The following MTHFD2L variants were observed in gnomAD, a reference collection of about 807,000 sequenced individuals.
MTHFD2L encodes bifunctional methylenetetrahydrofolate dehydrogenase/cyclohydrolase 2, mitochondrial.
A neutral mutation model predicts 34.9 loss-of-function variants in MTHFD2L; 29 were observed. The observed-to-expected ratio is 0.83, with a 90% confidence interval of 0.62 to 1.13. MTHFD2L has a LOEUF of 1.13. Ranked by LOEUF, MTHFD2L falls within the 50% of genes most tolerant of loss-of-function variation. The pLI is 0.00. For missense variants in MTHFD2L, 481 were observed against 446.5 expected, an observed-to-expected ratio of 1.08 and a Z score of -0.70; for synonymous variants, 167 against 155.7, an observed-to-expected ratio of 1.07 and a Z score of -0.54.
intron 1 of MTHFD2L, among the ~76,000 whole-genome samples, chr4:74,133,073 C>T (rs553072101): frequency 1.3e-5 from 2 of 152,090 alleles, no homozygotes; most frequent in South Asian, 2.1e-4. Flanking sequence ...TCTTGCAAGA[C>T]GGGTCTAGTA....
At chr4:74,184,951 C>A (rs980811352) in intron 3 of MTHFD2L, among the ~76,000 whole-genome samples, 1 of 151,578 alleles carries the variant, frequency 6.6e-6, no homozygotes, top group African/African-American at 2.4e-5. Flanking sequence ...AGATCGAGAC[C>A]GTCCTGGCTA....
chr4:74,242,919 A>G (rs972667163), intron 6 of MTHFD2L, among the ~76,000 whole-genome samples: 10 of 152,240 alleles, frequency 6.6e-5, no homozygotes, highest in African/African-American at 2.4e-4. Context: ...TTCTAACTAC[A>G]ATTCTATAAC....
intron 6 of MTHFD2L, among the ~76,000 whole-genome samples, chr4:74,276,222 TA>T (rs1160816481): frequency 2.0e-5 from 3 of 152,180 alleles, no homozygotes; most frequent in African/African-American, 7.2e-5. Flanking sequence ...TGATATTCAT[TA>T]AATGAGTTTT....
rs868751296 is a variant in MTHFD2L, at chr4:74,128,839, T to C, written c.-297+3322T>C. On this transcript the variant is annotated intron_variant, in intron 1 of 7. Transcript: ENST00000433372. ...AGGCAGCATGTACTTGGGTCTTGTT[T>C]CTTTATCCATTCAGCACCTCTATAA... Among the ~76,000 whole-genome samples, 35 of 152,178 alleles carry C rather than the reference T, an allele frequency of 2.3e-4. No individual in the cohort carries two copies. The South Asian group carries it at 2.9e-3, about 13-fold the overall frequency.
intron 5 of MTHFD2L, among the ~76,000 whole-genome samples, chr4:74,207,331 G>T (rs1735519755): frequency 6.6e-6 from 1 of 152,108 alleles, no homozygotes. Context: ...AAAGGTTCTG[G>T]CATCATTGGA....
At chr4:74,172,661 C>T (rs1578339917) in intron 1 of MTHFD2L, among the ~76,000 whole-genome samples, 1 of 152,178 alleles carries the variant, frequency 6.6e-6, no homozygotes, top group East Asian at 1.9e-4. Flanking sequence ...GGTTTTTCCC[C>T]TGCCCCCAGG....
chr4:74,220,366 A>G (rs1241655857), intron 5 of MTHFD2L, among the ~76,000 whole-genome samples: 1 of 152,014 alleles, frequency 6.6e-6, no homozygotes, highest in Non-Finnish European at 1.5e-5. Flanking sequence ...ACCAACTAAA[A>G]TAAAAAAGGC....
rs143099029 is a variant in MTHFD2L at position 74,268,092 on chromosome 4, G to A, written c.806-13333G>A. Reference sequence around the variant, plus strand: ...AAAGAAAAAGAACAGGAAATGTTCTGTGGTCACTGCCACTGACTCACTGGG... The same window carrying A: ...AAAGAAAAAGAACAGGAAATGTTCTATGGTCACTGCCACTGACTCACTGGG... On this transcript the variant is annotated intron_variant, in intron 6 of 7. Transcript: ENST00000325278. The A allele has an allele frequency of 4.9e-5, 48 of 984,988 alleles. No homozygotes were observed. The African/African-American group carries it at 7.5e-4, about 15-fold the overall frequency. 61.0% of individuals were successfully genotyped at this position (984,988 alleles called of 1,614,324 possible).
intron 6 of MTHFD2L, among the ~76,000 whole-genome samples, chr4:74,237,454 G>A (rs1317361526): frequency 6.6e-6 from 1 of 152,116 alleles, no homozygotes; most frequent in African/African-American, 2.4e-5. Flanking sequence ...TTCAACACCA[G>A]CCTGACCAAC....
chr4:74,148,381 TTATTTATTTATCTATCTATC>T (rs1723730222), intron 1 of MTHFD2L, among the ~76,000 whole-genome samples: 1 of 58,892 alleles, frequency 1.7e-5, no homozygotes, highest in African/African-American at 6.8e-5. Context: ...ATTTATTTAT[TTATTTATTTATCTATCTATC>T]TATTTAGACA....
At chr4:74,121,713 A>G (rs1018075685), upstream of MTHFD2L, among the ~76,000 whole-genome samples, 6 of 146,880 alleles carry the variant, frequency 4.1e-5, no homozygotes, top group Non-Finnish European at 7.5e-5. Context: ...ATTTAATTAT[A>G]TATATGGCGA....
chr4:74,265,274 C>T (rs1745147474), intron 6 of MTHFD2L, among the ~76,000 whole-genome samples: 1 of 152,156 alleles, frequency 6.6e-6, no homozygotes, highest in Non-Finnish European at 1.5e-5. Flanking sequence ...TGCCAGGGCT[C>T]TGCTCTAATG....
intron 6 of MTHFD2L, among the ~76,000 whole-genome samples, chr4:74,226,990 C>G (rs1463984218): frequency 6.6e-6 from 1 of 152,118 alleles, no homozygotes; most frequent in Non-Finnish European, 1.5e-5. Context: ...GAGTAGAGTT[C>G]TTGTCCTGGC....
At chr4:74,152,181 A>G (rs1340307913) in intron 1 of MTHFD2L, among the ~76,000 whole-genome samples, 1 of 151,634 alleles carries the variant, frequency 6.6e-6, no homozygotes, top group Non-Finnish European at 1.5e-5. Flanking sequence ...CTTTTTTTGT[A>G]TTCTTTTAAA....
rs1750361768 is a variant in MTHFD2L at position 74,301,809 on chromosome 4, G to C, written c.1044G>C (p.Ter348TyrextTer3). ...TLLAAKKIIY* is the reference protein window; with the variant it reads ...TLLAAKKIIYY The stretch of plus-strand genomic sequence containing the variant: ...TGGCAGCTAAAAAAATCATTTACTA[G>C]ATCACATGAAAGGATAAAGCAAACT... Residue 348 changes from the stop codon to tyrosine, a stop_lost, in exon 8 of 8, where the codon TAG becomes TAC. Transcript: ENST00000325278. 1 of 1,590,218 alleles carries C rather than the reference G, an allele frequency of 6.3e-7. No individual in the cohort carries two copies.
At chr4:74,220,940 A>G (rs952032921) in intron 5 of MTHFD2L, among the ~76,000 whole-genome samples, 1 of 150,934 alleles carries the variant, frequency 6.6e-6, no homozygotes, top group Non-Finnish European at 1.5e-5. Flanking sequence ...TATTGATATA[A>G]TAATTTGTCC....
intron 6 of MTHFD2L, among the ~76,000 whole-genome samples, chr4:74,263,623 G>T (rs894024467): frequency 2.6e-5 from 4 of 151,778 alleles, no homozygotes; most frequent in African/African-American, 7.3e-5. Context: ...TCCTGATTTG[G>T]CTCTTGACTG....
chr4:74,134,880 T>C (rs1013849142), intron 1 of MTHFD2L, among the ~76,000 whole-genome samples: 1 of 151,468 alleles, frequency 6.6e-6, no homozygotes, highest in Admixed American at 6.6e-5. Flanking sequence ...AGAGAATCAA[T>C]GAGCTCAAAG....
At chr4:74,184,799 T>C (rs997194695) in intron 3 of MTHFD2L, among the ~76,000 whole-genome samples, 3 of 152,148 alleles carry the variant, frequency 2.0e-5, no homozygotes, top group Admixed American at 1.3e-4. Flanking sequence ...AGAGAATTCA[T>C]GTCACACAAA....
Sources: allele counts gnomAD v4.1 joint callset (sites outside exome capture counted in the v4.1 genomes callset), GRCh38; gene constraint gnomAD v4.1.1; transcripts MANE v1.5; gene names NCBI Gene and HGNC (gene_info 2026-07-23, HGNC 2026-07-21).